PSD3: variants seen among roughly 807,000 people sequenced by gnomAD.
The protein encoded by PSD3 is pleckstrin and Sec7 domain containing 3, also known as PH and SEC7 domain-containing protein 3.
In PSD3, 49 loss-of-function variants were observed where a neutral mutation model predicts 105.5. That is an observed-to-expected ratio of 0.46 (90% CI 0.37 to 0.59). PSD3 has a LOEUF of 0.59. PSD3 is among the 20% of genes least tolerant of loss of function. PSD3 has a pLI of 0.00. For missense variants in PSD3, 1,561 were observed against 1,263.8 expected, an observed-to-expected ratio of 1.24 and a Z score of -3.57; for synonymous variants, 557 against 457.8, an observed-to-expected ratio of 1.22 and a Z score of -2.77.
At chr8:18,759,145 C>T (rs1272080273) in intron 9 of PSD3, among the ~76,000 whole-genome samples, 2 of 151,384 alleles carry the variant, frequency 1.3e-5, no homozygotes, top group African/African-American at 4.9e-5. Context: ...TTTGCTCTTC[C>T]CTTAAGGGAA....
At chr8:19,043,461 T>C (rs939214869) in intron 1 of PSD3, among the ~76,000 whole-genome samples, 2 of 152,144 alleles carry the variant, frequency 1.3e-5, no homozygotes, top group African/African-American at 4.8e-5. Flanking sequence ...AACTAGTAGA[T>C]TGGGGTCCAA....
chr8:18,752,499 A>AT (rs1471278326), intron 9 of PSD3, among the ~76,000 whole-genome samples: 9 of 18,850 alleles, frequency 4.8e-4, no homozygotes, highest in Non-Finnish European at 1.4e-3. Flanking sequence ...TATAATATAT[A>AT]TAATATATAT....
intron 4 of PSD3, among the ~76,000 whole-genome samples, chr8:18,863,023 C>T (rs183188977): frequency 4.5e-4 from 69 of 152,202 alleles, no homozygotes; most frequent in African/African-American, 1.6e-3. Context: ...GTTAGTATCC[C>T]GAGCAAGATC....
At chr8:18,684,051 T>C (rs1800523935) in intron 9 of PSD3, 1 of 636,528 alleles carries the variant, frequency 1.6e-6, no homozygotes, top group African/African-American at 1.8e-5. Flanking sequence ...CTGAGCGCCG[T>C]GATCCGCGTT....
At chr8:18,586,878 T>C (rs1414535581) in intron 12 of PSD3, among the ~76,000 whole-genome samples, 1 of 152,078 alleles carries the variant, frequency 6.6e-6, no homozygotes, top group African/African-American at 2.4e-5. Context: ...TAGAAAGGTG[T>C]GGAGAAAGAG....
intron 1 of PSD3, among the ~76,000 whole-genome samples, chr8:19,078,507 G>C (rs1159403842): frequency 6.6e-6 from 1 of 152,100 alleles, no homozygotes; most frequent in African/African-American, 2.4e-5. Flanking sequence ...CTCCCTGCAA[G>C]TGTTTCTGGG....
At chr8:18,625,149 C>T (rs2129704) in intron 11 of PSD3, among the ~76,000 whole-genome samples, 13,706 of 151,312 alleles carry the variant, frequency 0.091, 844 homozygotes, top group East Asian at 0.19. Flanking sequence ...CTTTAATCTA[C>T]GTGAAACTGG....
At chr8:18,692,772 C>G (rs1255661404) in intron 9 of PSD3, among the ~76,000 whole-genome samples, 1 of 152,088 alleles carries the variant, frequency 6.6e-6, no homozygotes, top group Non-Finnish European at 1.5e-5. Context: ...TATCTTCGGC[C>G]TTTATATTCA....
intron 9 of PSD3, among the ~76,000 whole-genome samples, chr8:18,699,614 T>C (rs965053992): frequency 1.3e-5 from 2 of 152,192 alleles, no homozygotes; most frequent in African/African-American, 4.8e-5. Context: ...AGAAAATATG[T>C]GCTGGAATGT....
intron 1 of PSD3, among the ~76,000 whole-genome samples, chr8:19,046,407 C>A (rs1828320514): frequency 6.6e-6 from 1 of 152,166 alleles, no homozygotes; most frequent in Non-Finnish European, 1.5e-5. Context: ...CCGTGCCTGG[C>A]CGGTAACTAG....
chr8:18,994,191 T>A (rs763014008), intron 1 of PSD3, among the ~76,000 whole-genome samples: 2 of 152,066 alleles, frequency 1.3e-5, no homozygotes, highest in African/African-American at 4.8e-5. Context: ...CTAAACAACA[T>A]TGCTAAAAAT....
At chr8:18,780,012 A>G (rs983902172) in intron 8 of PSD3, among the ~76,000 whole-genome samples, 1 of 152,196 alleles carries the variant, frequency 6.6e-6, no homozygotes, top group East Asian at 1.9e-4. Context: ...CAAGGCTGAG[A>G]GTCAGTTGTT....
chr8:18,542,598 T>A (rs769956548), intron 15 of PSD3, among the ~76,000 whole-genome samples: 14 of 152,188 alleles, frequency 9.2e-5, no homozygotes, highest in Non-Finnish European at 1.9e-4. Flanking sequence ...AAAATTAACA[T>A]AGTTCCAGAT....
chr8:18,660,935 C>T (rs952075013), intron 9 of PSD3, among the ~76,000 whole-genome samples: 1 of 152,122 alleles, frequency 6.6e-6, no homozygotes, highest in Non-Finnish European at 1.5e-5. Flanking sequence ...TAAACATATT[C>T]TGGTCTAAAT....
chr8:18,804,957 A>T (rs1811073777), intron 4 of PSD3, 59 bp from the exon 5 acceptor site: 2 of 1,326,954 alleles, frequency 1.5e-6, no homozygotes, highest in East Asian at 2.3e-5. Context: ...AAAAAGGAAA[A>T]TATCTGATGA....
chr8:18,684,565 G>A (rs1015335776), intron 9 of PSD3, among the ~76,000 whole-genome samples: 3 of 152,092 alleles, frequency 2.0e-5, no homozygotes, highest in Non-Finnish European at 4.4e-5. Context: ...TTTCTTTCCC[G>A]TTTCAGGCCA....
At position 18,763,099 on chromosome 8, in the gene PSD3, A is replaced by C. The variant is rs564580677; in HGVS notation, c.2172+2350T>G. On this transcript the variant is annotated intron_variant, in intron 9 of 15. Coordinates refer to ENST00000327040, the MANE Select transcript of PSD3 (RefSeq NM_015310.4). ...GACATGGAACAACAGACATTCAAGT[A>C]CAAATGTTACTTCTGGGCCAAAGAA... 5 of 461,100 alleles carry C rather than the reference A, an allele frequency of 1.1e-5. No individual in the cohort carries two copies. The East Asian group carries it at 3.5e-4, about 32-fold the overall frequency. The allele number at this position is 461,100 out of a possible 1,614,324, so 28.6% of individuals were successfully genotyped here.
chr8:19,071,094 C>T (rs1054296523), intron 1 of PSD3, among the ~76,000 whole-genome samples: 1 of 151,622 alleles, frequency 6.6e-6, no homozygotes, highest in Non-Finnish European at 1.5e-5. Flanking sequence ...GAGTCTTGTA[C>T]TGTTGCCCAG....
intron 1 of PSD3, among the ~76,000 whole-genome samples, chr8:19,053,877 T>A (rs766181722): frequency 6.6e-6 from 1 of 152,220 alleles, no homozygotes; most frequent in South Asian, 2.1e-4. Context: ...TTTGTACAAA[T>A]GAATGAATGA....
Sources: allele counts gnomAD v4.1 joint callset (sites outside exome capture counted in the v4.1 genomes callset), GRCh38; gene constraint gnomAD v4.1.1; transcripts MANE v1.5; gene names NCBI Gene and HGNC (gene_info 2026-07-23, HGNC 2026-07-21).